LATS1: variants seen among roughly 807,000 people sequenced by gnomAD.
LATS1 encodes serine/threonine-protein kinase LATS1.
A neutral mutation model predicts 106.6 loss-of-function variants in LATS1; 25 were observed. The observed-to-expected ratio is 0.23, with a 90% CI of 0.17 to 0.33. The LOEUF is 0.33. LATS1 is among the 10% of genes least tolerant of loss of function. LATS1 has a pLI of 1.00. For missense variants in LATS1, 1,040 were observed against 1,382.6 expected (o/e 0.75, Z 3.93); for synonymous variants, 465 against 455.6 (o/e 1.02, Z -0.26).
In LATS1 at chr6:149,679,953, C is replaced by CA; in HGVS notation, c.2514dup (p.Asp839Ter). The CA allele has an allele frequency of 6.2e-7, 1 of 1,613,994 alleles. No homozygotes were observed. Among genetic ancestry groups the CA allele is most frequent in the Non-Finnish European group, 8.5e-7 (1 of 1,179,924 alleles). On this transcript the variant is annotated frameshift_variant, in exon 5 of 8. Coordinates refer to ENST00000543571, the MANE Select transcript of LATS1 (RefSeq NM_004690.4). LOFTEE classifies it high-confidence loss of function. ...AAGTCAGTCAATTTAATATGACCATCACGATCAATCAAAATATTATCAGGT... is the reference window on the plus strand; with the variant it reads ...AAGTCAGTCAATTTAATATGACCATCAACGATCAATCAAAATATTATCAGGT...
chr6:149,684,971 C>T (rs981266491), intron 3 of LATS1, among the ~76,000 whole-genome samples: 3 of 151,870 alleles, frequency 2.0e-5, no homozygotes, highest in Non-Finnish European at 4.4e-5. Flanking sequence ...CGTGGTGGCT[C>T]ACGCCTGTAA....
chr6:149,686,240 T>C (rs968991510), intron 3 of LATS1, among the ~76,000 whole-genome samples: 30 of 152,188 alleles, frequency 2.0e-4, no homozygotes, highest in Non-Finnish European at 5.9e-5. Flanking sequence ...GTCTACATTC[T>C]CGAAGCAGGA....
chr6:149,686,200 C>T (rs1274606183), intron 3 of LATS1, among the ~76,000 whole-genome samples: 4 of 152,166 alleles, frequency 2.6e-5, no homozygotes, highest in African/African-American at 9.7e-5. Context: ...GTTTAACACT[C>T]CCTTTCATCT....
rs1424693211 is a variant in LATS1 at position 149,702,201 on chromosome 6, G to C, written c.-75C>G. 3.1e-6 allele frequency: 3 copies of C among 969,168 alleles called. No individual in the cohort carries two copies. The highest frequency in any genetic ancestry group is 4.7e-6 in the Non-Finnish European group (3 of 643,988). The allele number at this position is 969,168 out of a possible 1,614,324, so 60.0% of individuals were successfully genotyped here. Reference sequence around the variant, plus strand: ...ATCCAGAGCTTTCTTCTGAGCAAAAGTGAAAATGATCCTTCAAGGAAGTCC... The same window carrying C: ...ATCCAGAGCTTTCTTCTGAGCAAAACTGAAAATGATCCTTCAAGGAAGTCC... On this transcript the variant is annotated 5_prime_UTR_variant, in exon 2 of 8. Transcript: ENST00000543571.
rs1169972999 is a variant in LATS1, at chr6:149,660,705, A to AATT, written c.*1021_*1023dup. 4.4e-6 allele frequency: 1 copy of AATT among 229,672 alleles called. No individual in the cohort carries two copies. Among genetic ancestry groups the AATT allele is most frequent in the African/African-American group, 2.2e-5 (1 of 45,140 alleles). The allele number at this position is 229,672 out of a possible 1,614,324, so 14.2% of individuals were successfully genotyped here. Reference sequence around the variant, plus strand: ...CTAAGACCACTCTGTAAACTTTCCTAATTATTAATGGCCATCTTAAGAGTT... The same window carrying AATT: ...CTAAGACCACTCTGTAAACTTTCCTAATTATTATTAATGGCCATCTTAAGAGTT... On this transcript the variant is annotated 3_prime_UTR_variant, in exon 8 of 8. Coordinates refer to ENST00000543571, the MANE Select transcript of LATS1 (RefSeq NM_004690.4).
At chr6:149,715,821 G>A (rs1784353873) in intron 1 of LATS1, among the ~76,000 whole-genome samples, 1 of 152,138 alleles carries the variant, frequency 6.6e-6, no homozygotes, top group African/African-American at 2.4e-5. Flanking sequence ...AATCTTTGCT[G>A]CTATGACATG....
chr6:149,707,801 A>G (rs1290548114), intron 1 of LATS1, among the ~76,000 whole-genome samples: 2 of 152,208 alleles, frequency 1.3e-5, no homozygotes, highest in Non-Finnish European at 2.9e-5. Context: ...TAAATGAGAC[A>G]GAAGTTTTCA....
At chr6:149,710,872 AAGT>A (rs1374612521) in intron 1 of LATS1, among the ~76,000 whole-genome samples, 2 of 152,166 alleles carry the variant, frequency 1.3e-5, no homozygotes, top group African/African-American at 2.4e-5. Context: ...TTCAAGAAGG[AAGT>A]AGTAGATTTG....
chr6:149,665,373 A>C (rs1163211989), intron 7 of LATS1, among the ~76,000 whole-genome samples: 5 of 152,056 alleles, frequency 3.3e-5, no homozygotes, highest in Non-Finnish European at 7.4e-5. Flanking sequence ...TAAATATATA[A>C]ATTAATAAAG....
chr6:149,696,795 G>C (rs1282537644), intron 2 of LATS1, among the ~76,000 whole-genome samples: 1 of 152,090 alleles, frequency 6.6e-6, no homozygotes, highest in Non-Finnish European at 1.5e-5. Flanking sequence ...AAAAAACAGA[G>C]GATTTGGAAT....
At chr6:149,680,943 A>G (rs1782003730) in intron 4 of LATS1, among the ~76,000 whole-genome samples, 1 of 152,134 alleles carries the variant, frequency 6.6e-6, no homozygotes, top group Non-Finnish European at 1.5e-5. Flanking sequence ...CCAAAGAACA[A>G]CAAAACAATG....
rs1780859059 is a variant in LATS1, at chr6:149,660,926, A to G, written c.*803T>C. 4.8e-6 allele frequency: 1 copy of G among 208,626 alleles called. No homozygotes were observed. Among genetic ancestry groups the G allele is most frequent in the African/African-American group, 2.3e-5 (1 of 43,990 alleles). The allele number at this position is 208,626 out of a possible 1,614,324, so 12.9% of individuals were successfully genotyped here. On this transcript the variant is annotated 3_prime_UTR_variant, in exon 8 of 8. Coordinates refer to ENST00000543571, the MANE Select transcript of LATS1 (RefSeq NM_004690.4). ...AATTATCTGCTTAGGATGGTGAGAAATATTTTAGCTTTTAGTATTGAACAT... is the reference window on the plus strand; with the variant it reads ...AATTATCTGCTTAGGATGGTGAGAAGTATTTTAGCTTTTAGTATTGAACAT...
intron 1 of LATS1, among the ~76,000 whole-genome samples, chr6:149,709,025 T>C (rs116300506): frequency 6.6e-6 from 1 of 152,264 alleles, no homozygotes; most frequent in African/African-American, 2.4e-5. Context: ...TATGCTCTGA[T>C]TGTAGGTTGT....
intron 5 of LATS1, among the ~76,000 whole-genome samples, chr6:149,678,420 G>A (rs538658886): frequency 2.0e-5 from 3 of 152,212 alleles, no homozygotes; most frequent in African/African-American, 7.2e-5. Context: ...TCAAAAGATG[G>A]GAATAGAGCC....
intron 1 of LATS1, among the ~76,000 whole-genome samples, chr6:149,706,509 C>CAAAAAAAAAAAAAAAAAAA (rs912040159): frequency 7.1e-6 from 1 of 140,626 alleles, no homozygotes; most frequent in African/African-American, 2.6e-5. Flanking sequence ...GACCCTGTCT[C>CAAAAAAAAAAAAAAAAAAA]AAAAAAAAAA....
intron 3 of LATS1, among the ~76,000 whole-genome samples, chr6:149,687,871 CTCT>C (rs1415417704): frequency 1.3e-4 from 19 of 149,372 alleles, no homozygotes; most frequent in African/African-American, 4.0e-4. Flanking sequence ...CTTGACCCTC[CTCT>C]TTTTTTTTTT....
intron 2 of LATS1, among the ~76,000 whole-genome samples, chr6:149,699,130 TA>T: frequency 6.7e-6 from 1 of 150,370 alleles, no homozygotes; most frequent in South Asian, 2.1e-4. Context: ...TCTGAAATGA[TA>T]AAAAAGAATG....
chr6:149,691,300 C>A (rs976517277), intron 3 of LATS1, among the ~76,000 whole-genome samples: 1 of 152,094 alleles, frequency 6.6e-6, no homozygotes, highest in Admixed American at 6.6e-5. Context: ...GCAAGGCGGC[C>A]GCCATCTGCA....
intron 4 of LATS1, among the ~76,000 whole-genome samples, chr6:149,680,743 G>GAA (rs5880846): frequency 0.07 from 7,688 of 110,084 alleles, 850 homozygotes; most frequent in African/African-American, 0.23. Flanking sequence ...AATGCACTCC[G>GAA]AAAAAAAAAA....
Sources: allele counts gnomAD v4.1 joint callset (sites outside exome capture counted in the v4.1 genomes callset), GRCh38; gene constraint gnomAD v4.1.1; transcripts MANE v1.5; gene names NCBI Gene and HGNC (gene_info 2026-07-23, HGNC 2026-07-21).